The following CARHSP1 variants were observed in gnomAD, a reference collection of about 807,000 sequenced individuals.
CARHSP1 encodes the protein calcium-regulated heat-stable protein 1.
A neutral mutation model predicts 12.5 loss-of-function variants in CARHSP1; 14 were observed. The observed-to-expected ratio is 1.12, with a 90% CI of 0.74 to 1.75. The LOEUF is 1.75. CARHSP1 is among the 40% of genes most tolerant of loss of function. The pLI is 0.00. For missense variants in CARHSP1, 343 were observed against 201.6 expected, an observed-to-expected ratio of 1.70 and a Z score of -4.25; for synonymous variants, 161 against 82.0, an observed-to-expected ratio of 1.96 and a Z score of -5.20.
Position 8,855,343 on chromosome 16 carries a change from A to C in CARHSP1, c.282-17T>G, listed in dbSNP as rs757063218. 1.3e-6 allele frequency: 2 copies of C among 1,520,798 alleles called. No individual in the cohort carries two copies. The highest frequency in any genetic ancestry group is 1.8e-4 in the Middle Eastern group (1 of 5,650). 94.2% of individuals were successfully genotyped at this position (1,520,798 alleles called of 1,614,324 possible). ...CCTTCCACACTACGGGGGCATAAAT[A>C]AAGCAGTCAGGGCTCACACCGGGAC... On this transcript the variant is annotated splice_polypyrimidine_tract_variant and intron_variant, in intron 3 of 3. Coordinates refer to ENST00000311052, the MANE Select transcript of CARHSP1 (RefSeq NM_014316.4).
At chr16:8,855,890 T>G (rs566068133) in intron 3 of CARHSP1, among the ~76,000 whole-genome samples, 35 of 152,274 alleles carry the variant, frequency 2.3e-4, no homozygotes, top group African/African-American at 8.2e-4. Flanking sequence ...TGGTGTGATC[T>G]CAGCTTACTG....
At chr16:8,857,087 G>A (rs970151519) in intron 3 of CARHSP1, among the ~76,000 whole-genome samples, 3 of 152,080 alleles carry the variant, frequency 2.0e-5, no homozygotes, top group South Asian at 2.1e-4. Flanking sequence ...GGGCTCCCCA[G>A]CCTCATGGGG....
At chr16:8,855,894 C>A (rs2061086981) in intron 3 of CARHSP1, among the ~76,000 whole-genome samples, 1 of 152,182 alleles carries the variant, frequency 6.6e-6, no homozygotes, top group Non-Finnish European at 1.5e-5. Context: ...GTGATCTCAG[C>A]TTACTGCATC....
intron 1 of CARHSP1, chr16:8,868,702 G>C (rs1003116939): frequency 6.6e-6 from 1 of 151,998 alleles, no homozygotes; most frequent in South Asian, 2.1e-4. Flanking sequence ...GCAGAGAACA[G>C]GTGGCCAGGC....
intron 1 of CARHSP1, among the ~76,000 whole-genome samples, chr16:8,863,771 G>A (rs1209436614): frequency 6.6e-6 from 1 of 152,146 alleles, no homozygotes; most frequent in Non-Finnish European, 1.5e-5. Context: ...AACAACTGGG[G>A]GGCGGGTAAC....
intron 2 of CARHSP1, 129 bp downstream of exon 2, chr16:8,859,042 G>A: frequency 1.2e-6 from 1 of 847,018 alleles, no homozygotes. Flanking sequence ...TCAGCCCACG[G>A]CCCAGCCCCA....
At chr16:8,856,000 G>A (rs2061090690) in intron 3 of CARHSP1, among the ~76,000 whole-genome samples, 1 of 141,044 alleles carries the variant, frequency 7.1e-6, no homozygotes, top group Admixed American at 6.9e-5. Context: ...GCAAAGTCAG[G>A]GTTTCACCAT....
rs1041141037 is a variant in CARHSP1, at chr16:8,859,047, G to T, written c.158+124C>A. The T allele has an allele frequency of 5.8e-5, 52 of 890,572 alleles. No individual in the cohort carries two copies. The East Asian group carries it at 8.0e-4, about 14-fold the overall frequency. The allele number at this position is 890,572 out of a possible 1,614,324, so 55.2% of individuals were successfully genotyped here. A position where few individuals can be genotyped will look rare whatever the true frequency, so the allele number is the denominator to read the frequency against. ...TTTCTCACCCTCAGCCCACGGCCCA[G>T]CCCCAGGTCTGCCTATTTGGCAGTC... On this transcript the variant is annotated intron_variant, in intron 2 of 3. Coordinates refer to ENST00000311052, the MANE Select transcript of CARHSP1 (RefSeq NM_014316.4).
At chr16:8,856,463 A>T (rs943166096) in intron 3 of CARHSP1, among the ~76,000 whole-genome samples, 1 of 152,020 alleles carries the variant, frequency 6.6e-6, no homozygotes, top group Non-Finnish European at 1.5e-5. Flanking sequence ...ATCTTCCTAA[A>T]TATTTCTTTG....
In CARHSP1 at chr16:8,857,134, C is replaced by T. The variant is rs533539840; in HGVS notation, c.281+1216G>A. The stretch of plus-strand genomic sequence containing the variant: ...AGATATAATGGGCACTCGGACTCAC[C>T]CCAGCAGTCCCTGCTGCTCACACAC... On this transcript the variant is annotated intron_variant, in intron 3 of 3. Transcript: ENST00000311052. Among the ~76,000 whole-genome samples, 3 of 152,236 alleles carry T rather than the reference C, an allele frequency of 2.0e-5. No individual in the cohort carries two copies. In the South Asian group the frequency reaches 6.2e-4, roughly 32 times the overall value.
chr16:8,863,381 G>T (rs189003703), intron 1 of CARHSP1, among the ~76,000 whole-genome samples: 15 of 152,268 alleles, frequency 9.9e-5, no homozygotes. Context: ...CCAAAGTGCT[G>T]GGATTACAGG....
At chr16:8,859,404 C>A in intron 1 of CARHSP1, 69 bp from the exon 2 acceptor site, 1 of 1,369,946 alleles carries the variant, frequency 7.3e-7, no homozygotes, top group East Asian at 2.5e-5. Flanking sequence ...ACCCCCATGT[C>A]CACGTCTGAC....
At chr16:8,855,621 G>A (rs1222218439) in intron 3 of CARHSP1, among the ~76,000 whole-genome samples, 1 of 152,214 alleles carries the variant, frequency 6.6e-6, no homozygotes, top group Non-Finnish European at 1.5e-5. Context: ...TGAAATGTGG[G>A]AGGGAGCCTG....
chr16:8,861,035 G>A (rs761281940), intron 1 of CARHSP1, among the ~76,000 whole-genome samples: 21 of 138,872 alleles, frequency 1.5e-4, no homozygotes, highest in Non-Finnish European at 3.2e-4. Context: ...GGGTGACAGA[G>A]TGAGACTCCG....
In CARHSP1 at chr16:8,858,379, G is replaced by T; in HGVS notation, c.252C>A (p.Gly84=). The change falls in exon 3 of 4, where the codon GGC becomes GGA. Residue 84 remains glycine, a synonymous_variant. Transcript: ENST00000311052. ...KGHGFITPAD[G]GPDIFLHISD... ...AGATGTGCAGGAAGATGTCGGGGCC[G>T]CCATCAGCTGGAGTAATGAAGCCAT... 1.2e-6 allele frequency: 2 copies of T among 1,613,900 alleles called. No homozygotes were observed. The highest frequency in any genetic ancestry group is 2.2e-5 in the East Asian group (1 of 44,892).
intron 1 of CARHSP1, among the ~76,000 whole-genome samples, chr16:8,862,288 T>A (rs2061379069): frequency 6.6e-6 from 1 of 152,084 alleles, no homozygotes; most frequent in African/African-American, 2.4e-5. Context: ...ATAGTCCCGA[T>A]TTCACACCAT....
chr16:8,864,996 C>T (rs116257317), intron 1 of CARHSP1, among the ~76,000 whole-genome samples: 525 of 152,338 alleles, frequency 3.4e-3, no homozygotes, highest in African/African-American at 0.012. Flanking sequence ...CCTGAAAACC[C>T]ACCACCCACA....
At chr16:8,864,202 A>G (rs537760837) in intron 1 of CARHSP1, among the ~76,000 whole-genome samples, 1 of 152,334 alleles carries the variant, frequency 6.6e-6, no homozygotes, top group African/African-American at 2.4e-5. Context: ...GTACACATAC[A>G]TATGTGCCCA....
intron 3 of CARHSP1, among the ~76,000 whole-genome samples, chr16:8,856,693 T>A (rs2141076768): frequency 6.6e-6 from 1 of 152,184 alleles, no homozygotes; most frequent in South Asian, 2.1e-4. Context: ...GTGGTTTCCG[T>A]GTTAGCGGGT....
Sources: gnomAD v4.1 joint callset for allele counts (sites outside exome capture counted in the v4.1 genomes callset) on GRCh38, gnomAD v4.1.1 for gene constraint, MANE v1.5 for transcripts, NCBI Gene and HGNC (gene_info 2026-07-23, HGNC 2026-07-21) for gene names.